The following BPTF variants were observed in gnomAD, a reference collection of about 807,000 sequenced individuals.
The protein encoded by BPTF is nucleosome-remodeling factor subunit BPTF.
BPTF carries 18 observed loss-of-function variants against 292.5 expected under a neutral mutation model. The ratio of observed to expected loss-of-function variants is 0.06; its 90% CI spans 0.04 to 0.09. BPTF has a LOEUF of 0.09. BPTF is among the 10% of genes least tolerant of loss of function. The probability of loss-of-function intolerance (pLI) is 1.00; values close to 1 mark genes in which losing one functional copy is unlikely to be tolerated. For missense variants in BPTF, 2,726 were observed against 3,498.7 expected (o/e 0.78, Z 5.57); for synonymous variants, 1,225 against 1,251.9 (o/e 0.98, Z 0.45).
chr17:67,882,112 G>A (rs1437819248), intron 4 of BPTF, among the ~76,000 whole-genome samples: 2 of 152,164 alleles, frequency 1.3e-5, no homozygotes, highest in African/African-American at 4.8e-5. Context: ...TAGAATTACA[G>A]GCGTGAGCTA....
At chr17:67,970,964 CTGT>C (rs2068690959) in intron 26 of BPTF, among the ~76,000 whole-genome samples, 1 of 152,168 alleles carries the variant, frequency 6.6e-6, no homozygotes, top group South Asian at 2.1e-4. Flanking sequence ...TTAGGCTTTG[CTGT>C]TGTTGTTCTG....
chr17:67,894,968 TA>T (rs1394976191), intron 7 of BPTF, among the ~76,000 whole-genome samples: 1 of 152,234 alleles, frequency 6.6e-6, no homozygotes, highest in East Asian at 1.9e-4. Flanking sequence ...AAAAAGTTAT[TA>T]TTACAAAACT....
intron 4 of BPTF, among the ~76,000 whole-genome samples, chr17:67,877,325 T>G (rs2060111284): frequency 6.6e-6 from 1 of 152,200 alleles, no homozygotes; most frequent in African/African-American, 2.4e-5. Flanking sequence ...CAGCTATTTA[T>G]TGAGTGCCCT....
Position 67,873,692 on chromosome 17 carries a change from A to G in BPTF, c.1661-1125A>G, listed in dbSNP as rs115589920. 4.1e-3 allele frequency among the ~76,000 whole-genome samples: 619 copies of G among 152,330 alleles called. 5 individuals carry two copies. Among genetic ancestry groups the G allele is most frequent in the African/African-American group, 0.014 (580 of 41,580 alleles). ...GGGCAATGGTAAATGAACCCTATAC[A>G]GACACATAGGCATTCACTCATATAC... On this transcript the variant is annotated intron_variant, in intron 3 of 27. Transcript: ENST00000306378.
intron 14 of BPTF, 73 bp from the exon 15 acceptor site, chr17:67,924,474 A>G: frequency 7.0e-7 from 1 of 1,426,154 alleles, no homozygotes; most frequent in East Asian, 2.3e-5. Flanking sequence ...AAAATCAACC[A>G]GATTTCACTC....
rs1486141622 is a variant in BPTF at position 67,834,753 on chromosome 17, A to G, written c.613+8416A>G. On this transcript the variant is annotated intron_variant, in intron 1 of 27. Coordinates refer to ENST00000306378, the MANE Select transcript of BPTF (RefSeq NM_182641.4). Reference sequence around the variant, plus strand: ...ATTACAACCTACTTTGGGCAGGGACAGTCTCATTCAGTCTCTGTAGTGCCT... The same window carrying G: ...ATTACAACCTACTTTGGGCAGGGACGGTCTCATTCAGTCTCTGTAGTGCCT... 2.6e-5 allele frequency among the ~76,000 whole-genome samples: 4 copies of G among 152,280 alleles called. No individual in the cohort carries two copies. In the East Asian group the frequency reaches 5.8e-4, roughly 22 times the overall value.
In BPTF at chr17:67,874,930, A is replaced by G. The variant is rs1164090947; in HGVS notation, c.1774A>G (p.Lys592Glu). Residue 592 changes from lysine to glutamate, a missense_variant, in exon 4 of 28, where the codon AAA (lysine) becomes GAA (glutamate). Transcript: ENST00000306378. ...TGAGAATGACTCTAAAGATGCTGAGAAAAACAGAGAAGAATTTGAAGACCA... is the reference window on the plus strand; with the variant it reads ...TGAGAATGACTCTAAAGATGCTGAGGAAAACAGAGAAGAATTTGAAGACCA... The part of the protein sequence containing the change: ...ETENDSKDAE[K>E]NREEFEDQSL... 1.2e-6 allele frequency: 2 copies of G among 1,613,826 alleles called. No homozygotes were observed. Among genetic ancestry groups the G allele is most frequent in the Non-Finnish European group, 8.5e-7 (1 of 1,179,916 alleles).
rs1373425054 is a variant in BPTF at position 67,931,775 on chromosome 17, GT to G, written c.6151-135del. ...TCTGATGTTTAATACAATTTAAAATGTAATGTTCAAGAGCCCCTGTCATTCC... is the reference window on the plus strand; with the variant it reads ...TCTGATGTTTAATACAATTTAAAATGAATGTTCAAGAGCCCCTGTCATTCC... On this transcript the variant is annotated intron_variant, in intron 17 of 27. Coordinates refer to ENST00000306378, the MANE Select transcript of BPTF (RefSeq NM_182641.4). The G allele has an allele frequency of 1.0e-5, 6 of 577,102 alleles. No individual in the cohort carries two copies. In the African/African-American group the frequency reaches 1.2e-4, roughly 11 times the overall value. 35.7% of individuals were successfully genotyped at this position (577,102 alleles called of 1,614,324 possible). A position where few individuals can be genotyped will look rare whatever the true frequency, so the allele number is the denominator to read the frequency against.
chr17:67,849,866 A>G (rs1228922046), intron 1 of BPTF, among the ~76,000 whole-genome samples: 1 of 152,096 alleles, frequency 6.6e-6, no homozygotes, highest in East Asian at 1.9e-4. Context: ...ACTTGAACCT[A>G]GGTGACAGAC....
At chr17:67,964,538 C>A in intron 25 of BPTF, 134 bp downstream of exon 25, 1 of 1,053,874 alleles carries the variant, frequency 9.5e-7, no homozygotes, top group African/African-American at 1.6e-5. Context: ...AAGTGCCTAA[C>A]AAACTGCAGT....
intron 26 of BPTF, chr17:67,975,246 A>G (rs1421597718): frequency 6.6e-6 from 1 of 152,270 alleles, no homozygotes; most frequent in African/African-American, 2.4e-5. Flanking sequence ...TTTCCCTTAC[A>G]TTTAAGTGGA....
intron 2 of BPTF, among the ~76,000 whole-genome samples, chr17:67,857,558 C>G (rs538357474): frequency 2.0e-5 from 3 of 151,564 alleles, no homozygotes; most frequent in Non-Finnish European, 4.4e-5. Flanking sequence ...CCTCGACCTC[C>G]TGGGCTCAAG....
chr17:67,896,459 A>T (rs969608553), intron 7 of BPTF, among the ~76,000 whole-genome samples: 7 of 53,044 alleles, frequency 1.3e-4, no homozygotes, highest in Admixed American at 3.0e-4. Context: ...GTAATGAGTA[A>T]CTAGAAACTG....
At chr17:67,962,256 A>G (rs1423392820) in intron 24 of BPTF, among the ~76,000 whole-genome samples, 3 of 152,194 alleles carry the variant, frequency 2.0e-5, no homozygotes, top group Non-Finnish European at 4.4e-5. Flanking sequence ...CTCTAGGTGA[A>G]TCTGCCAAGA....
chr17:67,859,772 G>GT (rs911390114), intron 2 of BPTF, among the ~76,000 whole-genome samples: 14 of 152,098 alleles, frequency 9.2e-5, no homozygotes, highest in Admixed American at 3.9e-4. Flanking sequence ...AAATAAAGGC[G>GT]TTTTTAGAAA....
chr17:67,962,509 G>A (rs1555684633), intron 24 of BPTF, among the ~76,000 whole-genome samples: 1 of 152,206 alleles, frequency 6.6e-6, no homozygotes, highest in African/African-American at 2.4e-5. Context: ...TTGCCAAGCA[G>A]TGTAGACCCT....
At chr17:67,967,100 A>AAAAT (rs1328422140) in intron 26 of BPTF, among the ~76,000 whole-genome samples, 1 of 150,108 alleles carries the variant, frequency 6.7e-6, no homozygotes, top group African/African-American at 2.4e-5. Context: ...CTGTCTCAAA[A>AAAAT]AAATAAATAA....
At chr17:67,959,342 C>T (rs374415724) in intron 23 of BPTF, among the ~76,000 whole-genome samples, 199 bp from the exon 24 acceptor site, 3 of 152,168 alleles carry the variant, frequency 2.0e-5, no homozygotes, top group East Asian at 1.9e-4. Flanking sequence ...TTGTTCTTAC[C>T]TAGTCTTCAT....
intron 18 of BPTF, among the ~76,000 whole-genome samples, chr17:67,938,304 T>C (rs1486471150): frequency 6.6e-6 from 1 of 152,180 alleles, no homozygotes; most frequent in East Asian, 1.9e-4. Context: ...ATGTATTGTT[T>C]CTCAAACTGC....
Sources: gnomAD v4.1 joint callset for allele counts (sites outside exome capture counted in the v4.1 genomes callset) on GRCh38, gnomAD v4.1.1 for gene constraint, MANE v1.5 for transcripts, NCBI Gene and HGNC (gene_info 2026-07-23, HGNC 2026-07-21) for gene names.